The following GAS7 variants were observed in gnomAD, a reference collection of about 807,000 sequenced individuals.
GAS7 encodes growth arrest-specific protein 7.
GAS7 carries 28 observed loss-of-function variants against 71.1 expected under a neutral mutation model. The observed-to-expected ratio is 0.39, with a 90% confidence interval of 0.29 to 0.54. The LOEUF (loss-of-function observed/expected upper bound fraction) is 0.54, where lower values mean the gene tolerates loss of function less well. Among genes scored for constraint, GAS7 ranks in the 20% least tolerant of loss-of-function variants. The pLI is 0.62. For missense variants in GAS7, 436 were observed against 627.8 expected (o/e 0.69, Z 3.27); for synonymous variants, 258 against 245.8 (o/e 1.05, Z -0.46).
At chr17:9,984,211 T>C (rs1035793587) in intron 2 of GAS7, among the ~76,000 whole-genome samples, 2 of 152,138 alleles carry the variant, frequency 1.3e-5, no homozygotes, top group African/African-American at 2.4e-5. Flanking sequence ...CGTGCAGCCC[T>C]AGGCAAATCG....
chr17:9,922,416 C>T (rs1461678449), intron 11 of GAS7, among the ~76,000 whole-genome samples: 3 of 152,208 alleles, frequency 2.0e-5, no homozygotes, highest in African/African-American at 7.2e-5. Flanking sequence ...CACTGTGGAC[C>T]TCATGGAAGG....
At chr17:9,999,259 T>C (rs2071166429) in intron 2 of GAS7, among the ~76,000 whole-genome samples, 1 of 152,150 alleles carries the variant, frequency 6.6e-6, no homozygotes, top group African/African-American at 2.4e-5. Context: ...GGCTCATGCT[T>C]GTGATCCCAG....
chr17:10,048,987 C>T (rs980810788), intron 1 of GAS7, among the ~76,000 whole-genome samples: 22 of 152,196 alleles, frequency 1.4e-4, no homozygotes, highest in African/African-American at 5.3e-4. Flanking sequence ...CATCCCAGAA[C>T]CAGGATACGA....
At chr17:10,184,202 CA>C (rs1488534477) in intron 1 of GAS7, among the ~76,000 whole-genome samples, 1 of 152,196 alleles carries the variant, frequency 6.6e-6, no homozygotes, top group East Asian at 1.9e-4. Context: ...GTTCATACTG[CA>C]GTCCAGACCC....
chr17:9,924,242 T>C (rs2067917343), intron 11 of GAS7, among the ~76,000 whole-genome samples: 1 of 152,184 alleles, frequency 6.6e-6, no homozygotes, highest in East Asian at 1.9e-4. Flanking sequence ...GGTGTGATCA[T>C]AGTTCACCGC....
intron 1 of GAS7, among the ~76,000 whole-genome samples, chr17:10,167,485 T>A (rs1456129139): frequency 3.9e-5 from 6 of 152,204 alleles, no homozygotes; most frequent in Non-Finnish European, 7.3e-5. Context: ...GGCTGGGCTG[T>A]AAGGGCCGGT....
chr17:10,086,497 G>T (rs888202338), intron 1 of GAS7, among the ~76,000 whole-genome samples: 5 of 152,218 alleles, frequency 3.3e-5, no homozygotes, highest in Non-Finnish European at 7.3e-5. Context: ...ATCTGGGTTT[G>T]TTCTGGGCTT....
Position 9,939,652 on chromosome 17 carries a change from C to T in GAS7, c.806+474G>A, listed in dbSNP as rs533849676. On this transcript the variant is annotated intron_variant, in intron 8 of 13. Coordinates refer to ENST00000432992, the MANE Select transcript of GAS7 (RefSeq NM_201433.2). ...TGAGACGGAGTCTCGCTCTGTCGCC[C>T]AGGCTGGAGTGCAGTGGCCCGATCG... is the stretch of plus-strand genomic sequence containing the variant. Among the ~76,000 whole-genome samples, 369 of 152,084 alleles carry T rather than the reference C, an allele frequency of 2.4e-3. 1 individual carries two copies. Among genetic ancestry groups the T allele is most frequent in the African/African-American group, 8.8e-3 (366 of 41,462 alleles).
intron 1 of GAS7, among the ~76,000 whole-genome samples, chr17:10,162,968 G>A (rs1406385846): frequency 1.3e-5 from 2 of 152,128 alleles, no homozygotes; most frequent in African/African-American, 4.8e-5. Flanking sequence ...CTGAACTATA[G>A]ACTTCCAATG....
intron 1 of GAS7, among the ~76,000 whole-genome samples, chr17:10,046,974 G>A (rs1305127227): frequency 6.6e-6 from 1 of 152,070 alleles, no homozygotes; most frequent in East Asian, 1.9e-4. Context: ...CCCATAATCT[G>A]AGCTGCACTT....
At chr17:10,148,638 G>C (rs1280303143) in intron 1 of GAS7, among the ~76,000 whole-genome samples, 1 of 149,550 alleles carries the variant, frequency 6.7e-6, no homozygotes, top group African/African-American at 2.5e-5. Context: ...AAGGCCAGGC[G>C]CGGTGGCTCA....
At chr17:10,030,463 G>A (rs1024079214) in intron 1 of GAS7, among the ~76,000 whole-genome samples, 3 of 152,226 alleles carry the variant, frequency 2.0e-5, no homozygotes, top group African/African-American at 7.2e-5. Flanking sequence ...AACTGTGGTT[G>A]GACCCGTGTG....
chr17:10,115,746 C>A (rs886678623), intron 1 of GAS7, among the ~76,000 whole-genome samples: 1 of 152,202 alleles, frequency 6.6e-6, no homozygotes, highest in South Asian at 2.1e-4. Context: ...TGGTCTCCCC[C>A]GCCCCTAGTC....
Position 9,926,493 on chromosome 17 carries a change from A to G in GAS7, c.1014+148T>C, listed in dbSNP as rs918793941. On this transcript the variant is annotated intron_variant, in intron 10 of 13. Transcript: ENST00000432992. The surrounding 1 kb of genome is among the most constrained non-coding windows in gnomAD (Gnocchi z 5.0). Reference sequence around the variant, plus strand: ...TTGGATGGGTGGGGTGCTCTGGCGTAGGCACGAGGCTTGGACATCCCCCTA... The same window carrying G: ...TTGGATGGGTGGGGTGCTCTGGCGTGGGCACGAGGCTTGGACATCCCCCTA... The G allele has an allele frequency of 1.2e-6, 1 of 814,894 alleles. No individual in the cohort carries two copies. 50.5% of individuals were successfully genotyped at this position (814,894 alleles called of 1,614,324 possible). A position where few individuals can be genotyped will look rare whatever the true frequency, so the allele number is the denominator to read the frequency against.
chr17:10,020,385 G>C (rs984350170), intron 1 of GAS7, among the ~76,000 whole-genome samples: 5 of 152,198 alleles, frequency 3.3e-5, no homozygotes, highest in African/African-American at 7.2e-5. Context: ...CTATAATAAT[G>C]CTGAGAATCC....
chr17:10,005,140 C>CGTGT (rs1243998240), intron 2 of GAS7, among the ~76,000 whole-genome samples: 20 of 36,400 alleles, frequency 5.5e-4, no homozygotes, highest in East Asian at 1.9e-3. Context: ...CATGTGTGCG[C>CGTGT]GCACGCATGC....
intron 1 of GAS7, among the ~76,000 whole-genome samples, chr17:10,112,927 G>T (rs1010509555): frequency 2.0e-5 from 3 of 152,092 alleles, no homozygotes; most frequent in African/African-American, 7.2e-5. Flanking sequence ...GTGTTGCAAA[G>T]GATTCTTTCC....
intron 4 of GAS7, among the ~76,000 whole-genome samples, chr17:9,962,812 A>C (rs1567828275): frequency 6.6e-6 from 1 of 152,228 alleles, no homozygotes; most frequent in Non-Finnish European, 1.5e-5. Context: ...GAAATCTGGC[A>C]GTCAGCACCT....
chr17:9,917,211 A>C lies in GAS7; in HGVS notation c.*17T>G, dbSNP rs2152063967. ...CCCCCCTCCCCAGCAGGACCCCCCG[A>C]AGCTGCACAGGCCCATCTAGATCTC... On this transcript the variant is annotated 3_prime_UTR_variant, in exon 14 of 14. Transcript: ENST00000432992. 989 of 1,094,174 alleles carry C rather than the reference A, an allele frequency of 9.0e-4. No homozygotes were observed. Among genetic ancestry groups the C allele is most frequent in the Non-Finnish European group, 1.3e-3 (895 of 707,144 alleles). The allele number at this position is 1,094,174 out of a possible 1,614,324, so 67.8% of individuals were successfully genotyped here. A position where few individuals can be genotyped will look rare whatever the true frequency, so the allele number is the denominator to read the frequency against.
Sources: gnomAD v4.1 joint callset for allele counts (sites outside exome capture counted in the v4.1 genomes callset) on GRCh38, gnomAD v4.1.1 for gene constraint, Gnocchi (gnomAD v3.1) non-coding constraint, MANE v1.5 for transcripts, NCBI Gene and HGNC (gene_info 2026-07-23, HGNC 2026-07-21) for gene names.